Variants in PRH1 observed in about 807,000 individuals in gnomAD.
PRH1 encodes the protein salivary acidic proline-rich phosphoprotein 1/2.
In PRH1, 7 loss-of-function variants were observed where a neutral mutation model predicts 7.9. The ratio of observed to expected loss-of-function variants is 0.89; its 90% confidence interval spans 0.50 to 1.67. The LOEUF (loss-of-function observed/expected upper bound fraction) is 1.67. PRH1 is among the 40% of genes most tolerant of loss of function. The probability of loss-of-function intolerance (pLI) is 0.00; values close to 1 mark genes in which losing one functional copy is unlikely to be tolerated. For missense variants in PRH1, 109 were observed against 223.6 expected (o/e 0.49, Z 3.27); for synonymous variants, 45 against 80.8 (o/e 0.56, Z 2.38).
rs191663267 is a variant in PRH1, at chr12:10,892,394, C to T, written c.-58-8119G>A. Among the ~76,000 whole-genome samples, 12 of 152,216 alleles carry T rather than the reference C, an allele frequency of 7.9e-5. No individual in the cohort carries two copies. In the East Asian group the frequency reaches 2.1e-3, roughly 27 times the overall value. The stretch of plus-strand genomic sequence containing the variant: ...TTTTAAAAAATGTTTCTTTCTTTTG[C>T]ATACAATTTGTTTTTATTTTAGATT... On this transcript the variant is annotated intron_variant, in intron 2 of 3. Transcript: ENST00000539853.
chr12:11,056,784 C>T (rs1465451088), intron 1 of PRH1, among the ~76,000 whole-genome samples: 5 of 152,138 alleles, frequency 3.3e-5, no homozygotes, highest in Admixed American at 1.3e-4. Flanking sequence ...CACCACTGCA[C>T]ACCAGCCTGG....
intron 2 of PRH1, among the ~76,000 whole-genome samples, chr12:10,968,418 T>G (rs1277196298): frequency 6.6e-6 from 1 of 152,208 alleles, no homozygotes; most frequent in East Asian, 1.9e-4. Context: ...AATTATTTAA[T>G]GGGATAGATG....
chr12:11,110,858 G>A (rs548978899), intron 1 of PRH1, among the ~76,000 whole-genome samples: 1 of 152,264 alleles, frequency 6.6e-6, no homozygotes, highest in East Asian at 1.9e-4. Context: ...GCACAGACCA[G>A]CAAATTGAAT....
At chr12:10,981,562 G>A (rs766398039) in intron 1 of PRH1, among the ~76,000 whole-genome samples, 18 of 151,560 alleles carry the variant, frequency 1.2e-4, no homozygotes, top group Non-Finnish European at 1.9e-4. Context: ...TTTAGTAGAG[G>A]TGGGGTTTCA....
chr12:10,889,813 T>C (rs1269404416), intron 2 of PRH1, among the ~76,000 whole-genome samples: 2 of 152,178 alleles, frequency 1.3e-5, no homozygotes, highest in Non-Finnish European at 2.9e-5. Context: ...CAATAAAGGT[T>C]TTTTAAGACA....
At chr12:10,939,706 G>A (rs1360070190) in intron 2 of PRH1, among the ~76,000 whole-genome samples, 2 of 151,822 alleles carry the variant, frequency 1.3e-5, no homozygotes, top group Non-Finnish European at 2.9e-5. Context: ...GGGAGATGAT[G>A]GTGAAAGTTT....
chr12:11,083,016 T>C (rs1205383660), intron 1 of PRH1, among the ~76,000 whole-genome samples: 13 of 103,664 alleles, frequency 1.3e-4, no homozygotes, highest in South Asian at 2.6e-4. Context: ...GAATTTTTCT[T>C]GAATATTCAA....
chr12:11,064,420 T>C (rs947188832), intron 1 of PRH1, among the ~76,000 whole-genome samples: 3 of 152,076 alleles, frequency 2.0e-5, no homozygotes, highest in African/African-American at 7.2e-5. Flanking sequence ...ATCCTTAATA[T>C]ATATTTGGCC....
chr12:11,035,600 C>T (rs1168383468), intron 1 of PRH1, among the ~76,000 whole-genome samples: 1 of 152,058 alleles, frequency 6.6e-6, no homozygotes, highest in African/African-American at 2.4e-5. Context: ...GTATACCTGA[C>T]ATGAAAATGG....
At chr12:11,070,948 C>G (rs1361165453) in intron 1 of PRH1, among the ~76,000 whole-genome samples, 6 of 151,718 alleles carry the variant, frequency 4.0e-5, no homozygotes, top group African/African-American at 1.2e-4. Context: ...AACAGATTGC[C>G]CCATTTTTTT....
intron 1 of PRH1, among the ~76,000 whole-genome samples, chr12:11,057,635 C>A (rs1340685533): frequency 2.0e-5 from 3 of 152,244 alleles, no homozygotes; most frequent in Non-Finnish European, 2.9e-5. Flanking sequence ...ACCGGATTCA[C>A]TTAACCTATC....
intron 1 of PRH1, among the ~76,000 whole-genome samples, chr12:11,130,968 T>C (rs895139380): frequency 6.6e-6 from 1 of 152,194 alleles, no homozygotes; most frequent in Non-Finnish European, 1.5e-5. Flanking sequence ...CCCTTCACTA[T>C]CTCCTGTTCC....
intron 2 of PRH1, among the ~76,000 whole-genome samples, chr12:10,934,065 A>G (rs1332679816): frequency 6.6e-6 from 1 of 152,198 alleles, no homozygotes; most frequent in Non-Finnish European, 1.5e-5. Context: ...TTACACAATG[A>G]CCAGCTAGTA....
intron 1 of PRH1, among the ~76,000 whole-genome samples, chr12:11,162,130 G>A (rs757927934): frequency 7.9e-5 from 12 of 152,134 alleles, no homozygotes; most frequent in Non-Finnish European, 1.3e-4. Context: ...CAGCCAAGGA[G>A]GATAATAATG....
intron 1 of PRH1, chr12:11,132,943 C>T (rs1372396602): frequency 1.4e-5 from 3 of 210,262 alleles, no homozygotes; most frequent in Non-Finnish European, 2.8e-5. Flanking sequence ...CTGAGATAAG[C>T]TGTTAGTTCT....
intron 1 of PRH1, among the ~76,000 whole-genome samples, chr12:11,114,332 A>AG (rs34665003): frequency 0.29 from 44,010 of 152,084 alleles, 8,241 homozygotes; most frequent in East Asian, 0.74. Context: ...GCCATAAAAA[A>AG]GGATGAGTTC....
At chr12:10,959,705 G>T (rs1386323945) in intron 2 of PRH1, among the ~76,000 whole-genome samples, 1 of 151,894 alleles carries the variant, frequency 6.6e-6, no homozygotes, top group East Asian at 1.9e-4. Flanking sequence ...ATATCAATCT[G>T]CCAATATCTG....
chr12:11,158,666 T>C (rs1947325342), intron 1 of PRH1: 2 of 152,222 alleles, frequency 1.3e-5, no homozygotes, highest in Admixed American at 1.3e-4. Flanking sequence ...TTCAGAATTA[T>C]TTAACAACAC....
At chr12:11,029,136 C>A (rs1237061794) in intron 1 of PRH1, among the ~76,000 whole-genome samples, 2 of 152,240 alleles carry the variant, frequency 1.3e-5, no homozygotes, top group East Asian at 3.8e-4. Context: ...ATACACAAAT[C>A]AGGTGGGGGG....
Sources: gnomAD v4.1 joint callset for allele counts (sites outside exome capture counted in the v4.1 genomes callset) on GRCh38, gnomAD v4.1.1 for gene constraint, MANE v1.5 for transcripts, NCBI Gene and HGNC (gene_info 2026-07-23, HGNC 2026-07-21) for gene names.